Variants in CNIH3 observed in about 807,000 individuals in gnomAD.
The protein encoded by CNIH3 is cornichon family AMPA receptor auxiliary protein 3, also known as protein cornichon homolog 3.
Under a neutral mutation model 24.1 loss-of-function variants are expected in CNIH3, and 14 were observed. That is an observed-to-expected ratio of 0.58 (90% confidence interval 0.38 to 0.91). CNIH3 has a LOEUF of 0.91. CNIH3 is among the 40% of genes least tolerant of loss of function. The pLI, the probability that CNIH3 is intolerant of heterozygous loss-of-function variation, is 0.00. For missense variants in CNIH3, 178 were observed against 196.8 expected, an observed-to-expected ratio of 0.90 and a Z score of 0.57; for synonymous variants, 68 against 73.8, an observed-to-expected ratio of 0.92 and a Z score of 0.40.
chr1:224,604,438 C>T lies in CNIH3; in HGVS notation n.402+38174C>T, dbSNP rs1682329372. Among the ~76,000 whole-genome samples, 1 of 152,180 alleles carries T rather than the reference C, an allele frequency of 6.6e-6. No individual in the cohort carries two copies. Among genetic ancestry groups the T allele is most frequent in the Non-Finnish European group, 1.5e-5 (1 of 68,034 alleles). ...AGAGAAGAGATAATGCCTTTGCCAA[C>T]AGTCAGAGGGAAGTGAGAAGCAGCT... On this transcript the variant is annotated intron_variant and non_coding_transcript_variant, in intron 3 of 7. Coordinates refer to the CNIH3 transcript ENST00000478120. This position sits in a 1 kb window ranked among gnomAD's most constrained non-coding sequence, Gnocchi z 4.4.
intron 4 of CNIH3, among the ~76,000 whole-genome samples, chr1:224,568,376 C>A (rs533296408): frequency 6.6e-6 from 1 of 152,216 alleles, no homozygotes; most frequent in African/African-American, 2.4e-5. Flanking sequence ...AGCTACTGAG[C>A]TGTGTGTTTT....
intron 3 of CNIH3, among the ~76,000 whole-genome samples, chr1:224,609,275 G>A (rs1472729898): frequency 1.3e-5 from 2 of 152,092 alleles, no homozygotes; most frequent in Admixed American, 6.5e-5. Flanking sequence ...AATCCAGATA[G>A]GTAGATGAAT....
chr1:224,636,732 T>C (rs1684101632), intron 1 of CNIH3, among the ~76,000 whole-genome samples: 1 of 152,208 alleles, frequency 6.6e-6, no homozygotes, highest in Non-Finnish European at 1.5e-5. Context: ...GTGGCATTGG[T>C]TGTTTTCTGG....
intron 1 of CNIH3, among the ~76,000 whole-genome samples, chr1:224,481,045 C>T (rs1189885724): frequency 1.3e-5 from 2 of 152,238 alleles, no homozygotes; most frequent in East Asian, 1.9e-4. Context: ...TACAGTTCCA[C>T]GTGCCTGGGG....
intron 3 of CNIH3, chr1:224,718,908 C>T (rs944512113): frequency 6.6e-6 from 1 of 152,258 alleles, no homozygotes; most frequent in Non-Finnish European, 1.5e-5. Context: ...ACCTGTAGCT[C>T]ACAGGCTGTG....
intron 3 of CNIH3, among the ~76,000 whole-genome samples, chr1:224,549,956 C>T (rs182145553): frequency 6.6e-6 from 1 of 152,004 alleles, no homozygotes; most frequent in Admixed American, 6.6e-5. Context: ...TGTATGTAAC[C>T]ACCGGATAAT....
chr1:224,632,699 C>G (rs1683885647), intron 1 of CNIH3, among the ~76,000 whole-genome samples: 1 of 151,910 alleles, frequency 6.6e-6, no homozygotes, highest in Admixed American at 6.6e-5. Flanking sequence ...GATTTCAAGC[C>G]ACTTGGTCAT....
Position 224,616,573 on chromosome 1 carries a change from A to C in CNIH3, c.-602A>C. Reference sequence around the variant, plus strand: ...CTGGAAGCCGCGTCTGGGGCGCAGGACCAACGGGACCTACCTCCTCCCGGC... The same window carrying C: ...CTGGAAGCCGCGTCTGGGGCGCAGGCCCAACGGGACCTACCTCCTCCCGGC... On this transcript the variant is annotated 5_prime_UTR_variant, in exon 1 of 6. Coordinates refer to ENST00000272133, the MANE Select transcript of CNIH3 (RefSeq NM_152495.2). 1.0e-6 allele frequency: 1 copy of C among 986,720 alleles called. No individual in the cohort carries two copies. Among genetic ancestry groups the C allele is most frequent in the Non-Finnish European group, 1.2e-6 (1 of 830,854 alleles). The allele number at this position is 986,720 out of a possible 1,614,324, so 61.1% of individuals were successfully genotyped here.
At chr1:224,461,374 A>G (rs1226995392) in intron 1 of CNIH3, among the ~76,000 whole-genome samples, 1 of 152,172 alleles carries the variant, frequency 6.6e-6, no homozygotes, top group East Asian at 1.9e-4. Context: ...TTTAAACAAC[A>G]TGAGTTTATA....
intron 1 of CNIH3, among the ~76,000 whole-genome samples, chr1:224,629,281 A>C (rs937260484): frequency 0.017 from 2,531 of 152,196 alleles, 73 homozygotes; most frequent in African/African-American, 0.057. Context: ...TGCTGGGATT[A>C]CAGGCGTGTG....
intron 3 of CNIH3, among the ~76,000 whole-genome samples, chr1:224,710,893 G>A (rs190039751): frequency 2.0e-5 from 3 of 152,174 alleles, no homozygotes; most frequent in Admixed American, 6.5e-5. Context: ...ATTTTTAAAA[G>A]CATCTTCTTC....
At chr1:224,452,947 C>T (rs2102968415) in intron 1 of CNIH3, among the ~76,000 whole-genome samples, 1 of 151,116 alleles carries the variant, frequency 6.6e-6, no homozygotes, top group South Asian at 2.1e-4. Context: ...ATGGAGAAAC[C>T]CCGTCTCTAC....
chr1:224,710,893 G>C (rs190039751), intron 3 of CNIH3, among the ~76,000 whole-genome samples: 189 of 152,290 alleles, frequency 1.2e-3, no homozygotes, highest in African/African-American at 4.3e-3. Context: ...ATTTTTAAAA[G>C]CATCTTCTTC....
At chr1:224,515,106 T>A (rs558073990), upstream of CNIH3, among the ~76,000 whole-genome samples, 13 of 152,336 alleles carry the variant, frequency 8.5e-5, no homozygotes, top group African/African-American at 2.6e-4. Flanking sequence ...CAGTGCCCAC[T>A]TTTAATGTTT....
At chr1:224,481,810 C>T (rs1411686285) in intron 1 of CNIH3, among the ~76,000 whole-genome samples, 2 of 152,200 alleles carry the variant, frequency 1.3e-5, no homozygotes, top group Non-Finnish European at 2.9e-5. Flanking sequence ...GGTGGTGAAG[C>T]CAGTCAAACT....
chr1:224,582,547 C>T (rs1681321492), intron 4 of CNIH3, among the ~76,000 whole-genome samples: 1 of 152,154 alleles, frequency 6.6e-6, no homozygotes, highest in Non-Finnish European at 1.5e-5. Context: ...CGCAGAACTT[C>T]CTTCTTACGT....
intron 1 of CNIH3, among the ~76,000 whole-genome samples, chr1:224,470,907 A>G (rs1480493405): frequency 6.6e-6 from 1 of 152,238 alleles, no homozygotes; most frequent in Non-Finnish European, 1.5e-5. Context: ...ATCAGGATAA[A>G]TGAGATATCC....
chr1:224,459,336 T>C (rs1675809819), intron 1 of CNIH3: 1 of 517,354 alleles, frequency 1.9e-6, no homozygotes, highest in African/African-American at 2.0e-5. Flanking sequence ...AACAAAGTGA[T>C]GAAAAGAAAT....
upstream of CNIH3, among the ~76,000 whole-genome samples, chr1:224,613,905 G>A (rs575271462): frequency 9.9e-5 from 15 of 151,650 alleles, no homozygotes; most frequent in South Asian, 2.9e-3. Context: ...TTGAGACAGG[G>A]TCTGGCTCTA....
Sources: allele counts gnomAD v4.1 joint callset (sites outside exome capture counted in the v4.1 genomes callset), GRCh38; gene constraint gnomAD v4.1.1; non-coding constraint Gnocchi (gnomAD v3.1); transcripts MANE v1.5; gene names NCBI Gene and HGNC (gene_info 2026-07-23, HGNC 2026-07-21).